Variants in VASH2 observed in about 807,000 individuals in gnomAD.
VASH2 encodes the protein tubulinyl-Tyr carboxypeptidase 2.
Under a neutral mutation model 37.2 loss-of-function variants are expected in VASH2, and 28 were observed. The ratio of observed to expected loss-of-function variants is 0.75; its 90% CI spans 0.56 to 1.03. VASH2 has a LOEUF of 1.03. Among genes scored for constraint, VASH2 ranks in the 50% least tolerant of loss-of-function variants. The probability of loss-of-function intolerance (pLI) is 0.00; values close to 1 mark genes in which losing one functional copy is unlikely to be tolerated. For synonymous variants in VASH2, 188 were observed against 174.7 expected (o/e 1.08, Z -0.60); for missense variants, 419 against 459.1 (o/e 0.91, Z 0.80).
chr1:212,953,448 G>A (rs1393644959), intron 2 of VASH2, among the ~76,000 whole-genome samples: 3 of 151,834 alleles, frequency 2.0e-5, no homozygotes, highest in Non-Finnish European at 4.4e-5. Context: ...CCTCCCACCC[G>A]CAAATCACAT....
intron 7 of VASH2, among the ~76,000 whole-genome samples, chr1:212,979,557 C>T (rs1572079123): frequency 6.6e-6 from 1 of 152,318 alleles, no homozygotes; most frequent in South Asian, 2.1e-4. Flanking sequence ...CATCCACCTC[C>T]TCCCTCCAGC....
At chr1:212,983,631 G>T (rs1323045755) in intron 7 of VASH2, among the ~76,000 whole-genome samples, 2 of 152,192 alleles carry the variant, frequency 1.3e-5, no homozygotes, top group Non-Finnish European at 2.9e-5. Flanking sequence ...ATGTACCAAA[G>T]AAAATGCCAG....
intron 3 of VASH2, among the ~76,000 whole-genome samples, chr1:212,962,686 G>A (rs1191038931): frequency 6.6e-6 from 1 of 152,168 alleles, no homozygotes; most frequent in African/African-American, 2.4e-5. Flanking sequence ...TCACTTCACG[G>A]ATCATCAACT....
chr1:212,978,576 GA>G (rs1667247573), intron 7 of VASH2, among the ~76,000 whole-genome samples: 1 of 152,230 alleles, frequency 6.6e-6, no homozygotes, highest in African/African-American at 2.4e-5. Context: ...GGTGAAGAGT[GA>G]TTGCCACCTG....
At chr1:212,975,849 C>T (rs1223791159) in intron 7 of VASH2, among the ~76,000 whole-genome samples, 1 of 152,318 alleles carries the variant, frequency 6.6e-6, no homozygotes, top group Non-Finnish European at 1.5e-5. Context: ...ACTCTAGAAT[C>T]CAGAGGACAT....
intron 2 of VASH2, among the ~76,000 whole-genome samples, chr1:212,959,392 G>A (rs1666602329): frequency 6.6e-6 from 1 of 152,164 alleles, no homozygotes; most frequent in African/African-American, 2.4e-5. Context: ...ACAAAATGGA[G>A]CTTGCAGAAT....
chr1:212,951,448 C>A lies in VASH2; in HGVS notation c.-95C>A, dbSNP rs1258107661. 1.3e-5 allele frequency: 9 copies of A among 685,940 alleles called. No homozygotes were observed. The East Asian group carries it at 9.5e-4, about 72-fold the overall frequency. The allele number at this position is 685,940 out of a possible 1,614,324, so 42.5% of individuals were successfully genotyped here. A position where few individuals can be genotyped will look rare whatever the true frequency, so the allele number is the denominator to read the frequency against. ...AAGGCCGCCCCCGCGGGGCGCTGAT[C>A]CCCTCGCCGCGCCCGCGCGCACACG... On this transcript the variant is annotated 5_prime_UTR_variant, in exon 2 of 8. Transcript: ENST00000517399. The surrounding 1 kb of genome is among the most constrained non-coding windows in gnomAD (Gnocchi z 4.4).
intron 5 of VASH2, chr1:212,967,576 A>G: frequency 2.3e-6 from 1 of 427,684 alleles, no homozygotes; most frequent in Non-Finnish European, 3.5e-6. Flanking sequence ...TCTGAAGCAG[A>G]GGTGTGGCAT....
At position 212,971,591 on chromosome 1, in the gene VASH2, T is replaced by A. The variant is rs1667011687; in HGVS notation, c.498-989T>A. Among the ~76,000 whole-genome samples, 1 of 152,118 alleles carries A rather than the reference T, an allele frequency of 6.6e-6. No individual in the cohort carries two copies. The highest frequency in any genetic ancestry group is 6.5e-5 in the Admixed American group (1 of 15,290). On this transcript the variant is annotated intron_variant, in intron 5 of 7. Coordinates refer to ENST00000517399, the MANE Select transcript of VASH2 (RefSeq NM_001301056.2). The surrounding 1 kb of genome is among the most constrained non-coding windows in gnomAD (Gnocchi z 4.0). Reference sequence around the variant, plus strand: ...CAGCTAGGAATTTACGTAAGAGGACTCAGAAGGATGTGATTTCACTCCCTA... The same window carrying A: ...CAGCTAGGAATTTACGTAAGAGGACACAGAAGGATGTGATTTCACTCCCTA...
intron 7 of VASH2, among the ~76,000 whole-genome samples, chr1:212,983,253 T>C (rs115897204): frequency 1.9e-3 from 282 of 152,312 alleles, no homozygotes; most frequent in Middle Eastern, 6.8e-3. Context: ...CCATTTTGTG[T>C]CGCTGTAACA....
At chr1:212,985,419 C>CTTTT (rs144366214) in intron 7 of VASH2, among the ~76,000 whole-genome samples, 1 of 135,690 alleles carries the variant, frequency 7.4e-6, no homozygotes, top group Non-Finnish European at 1.6e-5. Flanking sequence ...TAGAGACCAT[C>CTTTT]TTTTTTTTTT....
At chr1:212,972,194 G>A (rs560773370) in intron 5 of VASH2, among the ~76,000 whole-genome samples, 1 of 152,330 alleles carries the variant, frequency 6.6e-6, no homozygotes, top group East Asian at 1.9e-4. Context: ...CTAGGATGAG[G>A]AAGGTCAGGG....
chr1:212,967,970 A>C (rs1318504533), intron 5 of VASH2: 1 of 154,140 alleles, frequency 6.5e-6, no homozygotes, highest in Non-Finnish European at 1.4e-5. Flanking sequence ...GGCATACATC[A>C]TCACCACCAC....
intron 7 of VASH2, among the ~76,000 whole-genome samples, chr1:212,976,935 G>A (rs1667192980): frequency 6.6e-6 from 1 of 152,222 alleles, no homozygotes; most frequent in Non-Finnish European, 1.5e-5. Context: ...CCCCACTGGG[G>A]GAAGCACAGG....
intron 7 of VASH2, among the ~76,000 whole-genome samples, chr1:212,974,339 G>A (rs1422495133): frequency 1.3e-5 from 2 of 152,196 alleles, no homozygotes; most frequent in Admixed American, 6.5e-5. Context: ...AATGCAGGTG[G>A]CCCGGAGGGA....
At position 212,965,793 on chromosome 1, in the gene VASH2, A is replaced by G. The variant is rs1056199555; in HGVS notation, c.422+15A>G. On this transcript the variant is annotated intron_variant, in intron 4 of 7. Transcript: ENST00000517399. ...CCGCTGAGTGGGTAAGTGGTGCATG[A>G]TCTATGGGCCAGATGACCTCTCTCC... The G allele has an allele frequency of 4.0e-5, 62 of 1,550,028 alleles. No homozygotes were observed. Among genetic ancestry groups the G allele is most frequent in the Non-Finnish European group, 5.3e-5 (61 of 1,145,164 alleles).
At chr1:212,987,416 A>G (rs888294001) in intron 7 of VASH2, among the ~76,000 whole-genome samples, 3 of 152,112 alleles carry the variant, frequency 2.0e-5, no homozygotes, top group Non-Finnish European at 4.4e-5. Flanking sequence ...TGTCTACAAA[A>G]ATACAAAATT....
At chr1:212,957,292 A>G (rs1028223684) in intron 2 of VASH2, among the ~76,000 whole-genome samples, 1 of 152,150 alleles carries the variant, frequency 6.6e-6, no homozygotes, top group Admixed American at 6.5e-5. Flanking sequence ...TCATCTGTCA[A>G]TGGACACTTG....
At chr1:212,978,935 TG>T (rs770916547) in intron 7 of VASH2, among the ~76,000 whole-genome samples, 5 of 152,168 alleles carry the variant, frequency 3.3e-5, no homozygotes, top group Non-Finnish European at 5.9e-5. Context: ...TGGATTGAGG[TG>T]TTTGAGGAGG....
Sources: gnomAD v4.1 joint callset for allele counts (sites outside exome capture counted in the v4.1 genomes callset) on GRCh38, gnomAD v4.1.1 for gene constraint, Gnocchi (gnomAD v3.1) non-coding constraint, MANE v1.5 for transcripts, NCBI Gene and HGNC (gene_info 2026-07-23, HGNC 2026-07-21) for gene names.